The following CNTN5 variants were observed in gnomAD, a reference collection of about 807,000 sequenced individuals.
CNTN5 encodes the protein contactin 5.
A neutral mutation model predicts 129.1 loss-of-function variants in CNTN5; 77 were observed. The ratio of observed to expected loss-of-function variants is 0.60; its 90% CI spans 0.50 to 0.72. The LOEUF (loss-of-function observed/expected upper bound fraction) is 0.72, where lower values mean the gene tolerates loss of function less well. CNTN5 is among the 30% of genes least tolerant of loss of function. CNTN5 has a pLI of 0.00. For synonymous variants in CNTN5, 509 were observed against 465.6 expected, an observed-to-expected ratio of 1.09 and a Z score of -1.20; for missense variants, 1,478 against 1,328.8, an observed-to-expected ratio of 1.11 and a Z score of -1.75.
At chr11:100,077,702 G>A (rs559714023) in intron 13 of CNTN5, among the ~76,000 whole-genome samples, 1 of 151,858 alleles carries the variant, frequency 6.6e-6, no homozygotes, top group Non-Finnish European at 1.5e-5. Flanking sequence ...AAATAGTCAG[G>A]CATGGTGGTG....
intron 9 of CNTN5, among the ~76,000 whole-genome samples, chr11:100,060,215 TA>T (rs201170131): frequency 2.3e-3 from 293 of 130,096 alleles, no homozygotes; most frequent in African/African-American, 2.4e-3. Context: ...CAAAAAATAT[TA>T]AAAAAAAAAA....
chr11:99,180,056 G>A (rs1281078854), intron 1 of CNTN5, among the ~76,000 whole-genome samples: 1 of 152,080 alleles, frequency 6.6e-6, no homozygotes, highest in Non-Finnish European at 1.5e-5. Context: ...GTAAGTTCCT[G>A]TTCTGTGTGG....
chr11:99,538,509 A>C (rs1204175504), intron 2 of CNTN5, among the ~76,000 whole-genome samples: 1 of 152,188 alleles, frequency 6.6e-6, no homozygotes, highest in Non-Finnish European at 1.5e-5. Flanking sequence ...TTAATTAGAA[A>C]CCTAAAGAAA....
intron 4 of CNTN5, among the ~76,000 whole-genome samples, chr11:99,834,578 A>G (rs1251613454): frequency 6.6e-6 from 1 of 152,180 alleles, no homozygotes; most frequent in Non-Finnish European, 1.5e-5. Flanking sequence ...TTGTCCTTTT[A>G]AAATCATTTT....
intron 15 of CNTN5, among the ~76,000 whole-genome samples, chr11:100,196,153 T>A (rs1948632698): frequency 6.6e-6 from 1 of 151,922 alleles, no homozygotes; most frequent in African/African-American, 2.4e-5. Flanking sequence ...ATTCCGGGAC[T>A]TAAGCAGGAA....
chr11:99,820,494 TG>T (rs1235081944), intron 4 of CNTN5, among the ~76,000 whole-genome samples: 1 of 152,306 alleles, frequency 6.6e-6, no homozygotes, highest in African/African-American at 2.4e-5. Flanking sequence ...CTACAGCTAT[TG>T]GCTTTATAGT....
At chr11:99,816,899 C>T (rs1220106444) in intron 3 of CNTN5, among the ~76,000 whole-genome samples, 3 of 152,138 alleles carry the variant, frequency 2.0e-5, no homozygotes, top group Non-Finnish European at 1.5e-5. Flanking sequence ...ATATTTTCTT[C>T]CCTGTCTAGA....
At position 99,533,648 on chromosome 11, in the gene CNTN5, C is replaced by T. The variant is rs540752787; in HGVS notation, c.-70-22497C>T. Among the ~76,000 whole-genome samples, 6 of 152,342 alleles carry T rather than the reference C, an allele frequency of 3.9e-5. No individual in the cohort carries two copies. The South Asian group carries it at 1.0e-3, about 26-fold the overall frequency. ...CACTCAGGGCAGAGCAGGAGGCACTCAGCCATAAAGATACCGCTGTTCACT... is the reference window on the plus strand; with the variant it reads ...CACTCAGGGCAGAGCAGGAGGCACTTAGCCATAAAGATACCGCTGTTCACT... On this transcript the variant is annotated intron_variant, in intron 2 of 24. Transcript: ENST00000524871.
chr11:99,286,854 C>T (rs532271995), intron 1 of CNTN5, among the ~76,000 whole-genome samples: 1 of 152,226 alleles, frequency 6.6e-6, no homozygotes, highest in South Asian at 2.1e-4. Flanking sequence ...TATGTTACTA[C>T]TCTTGAACAA....
intron 13 of CNTN5, among the ~76,000 whole-genome samples, chr11:100,158,454 T>A (rs1947330216): frequency 6.6e-6 from 1 of 151,896 alleles, no homozygotes; most frequent in Admixed American, 6.6e-5. Context: ...TATCAAAACT[T>A]CATGTTGTTT....
chr11:100,048,112 C>T (rs12287933), intron 9 of CNTN5, among the ~76,000 whole-genome samples: 16,723 of 152,068 alleles, frequency 0.11, 2,039 homozygotes, highest in African/African-American at 0.3. Flanking sequence ...GCCTGGGTGA[C>T]AGAGCGAGAC....
intron 19 of CNTN5, 69 bp from the exon 20 acceptor site, chr11:100,299,093 A>T: frequency 9.6e-7 from 1 of 1,042,568 alleles, no homozygotes; most frequent in Non-Finnish European, 1.4e-6. Context: ...TTTTTTAATT[A>T]AGAATTTGGA....
At chr11:100,274,226 A>G (rs2138793391) in intron 18 of CNTN5, among the ~76,000 whole-genome samples, 1 of 152,326 alleles carries the variant, frequency 6.6e-6, no homozygotes, top group Non-Finnish European at 1.5e-5. Context: ...TTAACTCAAG[A>G]TGGATTAAAG....
intron 3 of CNTN5, among the ~76,000 whole-genome samples, chr11:99,669,170 G>A (rs1952926835): frequency 6.6e-6 from 1 of 152,050 alleles, no homozygotes; most frequent in Admixed American, 6.6e-5. Flanking sequence ...GCTTGAAAAT[G>A]TCTTATTGGT....
chr11:99,319,342 C>T (rs369846063), intron 1 of CNTN5, among the ~76,000 whole-genome samples: 44 of 152,288 alleles, frequency 2.9e-4, no homozygotes, highest in African/African-American at 1.1e-3. Context: ...ATGATAGTCG[C>T]CCATTGGTGT....
At chr11:99,394,180 C>G (rs1192755159) in intron 2 of CNTN5, among the ~76,000 whole-genome samples, 1 of 151,620 alleles carries the variant, frequency 6.6e-6, no homozygotes, top group African/African-American at 2.4e-5. Flanking sequence ...TATTGAATAT[C>G]AACTTGTGTA....
chr11:99,046,207 G>T (rs546964399), intron 1 of CNTN5, among the ~76,000 whole-genome samples: 1 of 152,048 alleles, frequency 6.6e-6, no homozygotes, highest in South Asian at 2.1e-4. Flanking sequence ...GGGTGTGGTG[G>T]TGCACACCTG....
intron 3 of CNTN5, among the ~76,000 whole-genome samples, chr11:99,582,777 C>G (rs908966708): frequency 6.6e-6 from 1 of 152,132 alleles, no homozygotes; most frequent in Non-Finnish European, 1.5e-5. Context: ...AGACTTCCTC[C>G]TTTAGCTCAG....
At chr11:99,407,213 G>A (rs141439155) in intron 2 of CNTN5, among the ~76,000 whole-genome samples, 169 of 149,130 alleles carry the variant, frequency 1.1e-3, no homozygotes, top group African/African-American at 4.0e-3. Context: ...CCTAAACATA[G>A]TTATCTGGGT....
Sources: allele counts gnomAD v4.1 joint callset (sites outside exome capture counted in the v4.1 genomes callset), GRCh38; gene constraint gnomAD v4.1.1; transcripts MANE v1.5; gene names NCBI Gene and HGNC (gene_info 2026-07-23, HGNC 2026-07-21).